GRID2: variants seen among roughly 807,000 people sequenced by gnomAD.
The protein encoded by GRID2 is glutamate receptor ionotropic, delta-2.
In GRID2, 33 loss-of-function variants were observed where a neutral mutation model predicts 114.8. The ratio of observed to expected loss-of-function variants is 0.29; its 90% confidence interval spans 0.22 to 0.38. GRID2 has a LOEUF of 0.38. Ranked by LOEUF, GRID2 falls within the 10% of genes least tolerant of loss-of-function variation. The pLI, the probability that GRID2 is intolerant of heterozygous loss-of-function variation, is 1.00. For missense variants in GRID2, 1,184 were observed against 1,257.7 expected (o/e 0.94, Z 0.89); for synonymous variants, 505 against 449.9 (o/e 1.12, Z -1.55).
At chr4:93,785,587 G>C (rs1445716750) in intron 1 of GRID2, among the ~76,000 whole-genome samples, 1 of 152,204 alleles carries the variant, frequency 6.6e-6, no homozygotes, top group African/African-American at 2.4e-5. Context: ...AGCAGGCCTT[G>C]TAATGCTTCA....
intron 2 of GRID2, among the ~76,000 whole-genome samples, chr4:92,641,080 GCT>G (rs1264402595): frequency 6.6e-6 from 1 of 151,690 alleles, no homozygotes; most frequent in African/African-American, 2.4e-5. Flanking sequence ...CTAATTTTGT[GCT>G]CTTTTTTTCT....
At chr4:92,344,881 C>G (rs1285686624) in intron 1 of GRID2, among the ~76,000 whole-genome samples, 1 of 151,986 alleles carries the variant, frequency 6.6e-6, no homozygotes, top group African/African-American at 2.4e-5. Context: ...TTAGATACCA[C>G]CTTTAAAAAA....
chr4:93,165,609 C>T (rs1189211008), intron 4 of GRID2, among the ~76,000 whole-genome samples: 3 of 152,072 alleles, frequency 2.0e-5, no homozygotes, highest in African/African-American at 7.2e-5. Context: ...AGAGCAGAGT[C>T]CCAAAGGAGA....
intron 12 of GRID2, among the ~76,000 whole-genome samples, chr4:93,504,562 A>G (rs533456453): frequency 3.9e-5 from 6 of 152,202 alleles, no homozygotes; most frequent in East Asian, 1.9e-4. Context: ...TTTAATAGGG[A>G]CGAATATGTG....
chr4:93,360,675 T>C (rs776875393), intron 8 of GRID2, among the ~76,000 whole-genome samples: 1 of 151,972 alleles, frequency 6.6e-6, no homozygotes, highest in Non-Finnish European at 1.5e-5. Context: ...GTTGCAAATA[T>C]AAGGTCAATG....
intron 1 of GRID2, among the ~76,000 whole-genome samples, chr4:92,583,398 T>TA (rs1429158290): frequency 6.6e-6 from 1 of 152,060 alleles, no homozygotes; most frequent in Non-Finnish European, 1.5e-5. Context: ...TTCCAACAAT[T>TA]AGAGTCATTG....
intron 4 of GRID2, 107 bp from the exon 5 acceptor site, chr4:93,207,297 T>C: frequency 1.2e-6 from 1 of 808,872 alleles, no homozygotes; most frequent in South Asian, 1.4e-5. Flanking sequence ...AACAAAGACC[T>C]TTCTAACATA....
intron 14 of GRID2, among the ~76,000 whole-genome samples, chr4:93,767,511 T>A (rs558884393): frequency 2.2e-4 from 34 of 152,062 alleles, no homozygotes; most frequent in Non-Finnish European, 4.0e-4. Context: ...AAGGTCCAGG[T>A]TGTGGGGGAG....
exon 2 of GRID2, chr4:93,809,113 C>A (rs1465414809): frequency 6.6e-6 from 1 of 152,098 alleles, no homozygotes; most frequent in African/African-American, 2.4e-5. Flanking sequence ...CTTTAAAATC[C>A]CATATGCTCC....
chr4:92,470,625 A>G (rs969128321), intron 1 of GRID2, among the ~76,000 whole-genome samples: 2 of 152,034 alleles, frequency 1.3e-5, no homozygotes, highest in Non-Finnish European at 2.9e-5. Flanking sequence ...TAACCAATAA[A>G]TAAAGTATTG....
intron 2 of GRID2, among the ~76,000 whole-genome samples, chr4:92,718,616 A>G (rs1445086230): frequency 6.6e-6 from 1 of 151,888 alleles, no homozygotes; most frequent in Non-Finnish European, 1.5e-5. Flanking sequence ...TTTTTTAAAC[A>G]GCTAGACATG....
At chr4:92,941,847 A>T (rs1184589216) in intron 2 of GRID2, among the ~76,000 whole-genome samples, 1 of 152,178 alleles carries the variant, frequency 6.6e-6, no homozygotes, top group Non-Finnish European at 1.5e-5. Context: ...ATTCAGGAGC[A>T]GGTTGCTCAA....
At chr4:92,521,158 A>C (rs1724755948) in intron 1 of GRID2, among the ~76,000 whole-genome samples, 1 of 151,908 alleles carries the variant, frequency 6.6e-6, no homozygotes, top group Non-Finnish European at 1.5e-5. Context: ...TGATCTCCCT[A>C]ACCAGTAGTA....
chr4:92,516,303 A>G (rs1371071566), intron 1 of GRID2, among the ~76,000 whole-genome samples: 1 of 151,882 alleles, frequency 6.6e-6, no homozygotes, highest in Non-Finnish European at 1.5e-5. Flanking sequence ...TTTATTCTAT[A>G]ACAATTCTTT....
intron 1 of GRID2, among the ~76,000 whole-genome samples, chr4:92,397,565 A>C (rs1174684401): frequency 6.6e-6 from 1 of 152,152 alleles, no homozygotes; most frequent in Non-Finnish European, 1.5e-5. Flanking sequence ...CATATGGAAT[A>C]AACTGAAAGT....
intron 4 of GRID2, among the ~76,000 whole-genome samples, chr4:93,150,478 A>G (rs184990499): frequency 2.0e-4 from 31 of 152,204 alleles, no homozygotes; most frequent in African/African-American, 7.0e-4. Context: ...GTTTGGCCCA[A>G]ATAGTCTCTT....
chr4:93,675,738 C>G (rs1724795107), intron 14 of GRID2, among the ~76,000 whole-genome samples: 1 of 152,124 alleles, frequency 6.6e-6, no homozygotes, highest in South Asian at 2.1e-4. Flanking sequence ...GCCTGTTTCT[C>G]TAACTTTATA....
At chr4:93,073,645 T>G (rs903299439) in intron 2 of GRID2, among the ~76,000 whole-genome samples, 1 of 152,136 alleles carries the variant, frequency 6.6e-6, no homozygotes, top group African/African-American at 2.4e-5. Context: ...GTAAAAGCCT[T>G]AAGATCTTGG....
chr4:93,798,142 A>C (rs1734844574), intron 1 of GRID2, among the ~76,000 whole-genome samples: 1 of 152,080 alleles, frequency 6.6e-6, no homozygotes, highest in Non-Finnish European at 1.5e-5. Flanking sequence ...GACAGGAGTG[A>C]AATTCCTTCT....
Sources: gnomAD v4.1 joint callset for allele counts (sites outside exome capture counted in the v4.1 genomes callset) on GRCh38, gnomAD v4.1.1 for gene constraint, MANE v1.5 for transcripts, NCBI Gene and HGNC (gene_info 2026-07-23, HGNC 2026-07-21) for gene names.